The following SLAIN2 variants were observed in gnomAD, a reference collection of about 807,000 sequenced individuals.
SLAIN2 encodes the protein SLAIN family member 2.
Under a neutral mutation model 56.6 loss-of-function variants are expected in SLAIN2, and 31 were observed. The ratio of observed to expected loss-of-function variants is 0.55; its 90% CI spans 0.41 to 0.74. SLAIN2 has a LOEUF of 0.74. SLAIN2 is among the 30% of genes least tolerant of loss of function. SLAIN2 has a pLI of 0.00. For missense variants in SLAIN2, 777 were observed against 754.2 expected (o/e 1.03, Z -0.35); for synonymous variants, 317 against 284.9 (o/e 1.11, Z -1.13).
chr4:48,385,345 A>G (rs1577725206), intron 6 of SLAIN2, among the ~76,000 whole-genome samples: 1 of 152,232 alleles, frequency 6.6e-6, no homozygotes. Context: ...TCAGTCCCGT[A>G]TATGAGCTCT....
At chr4:48,397,877 T>C (rs1397190287) in intron 6 of SLAIN2, among the ~76,000 whole-genome samples, 2 of 152,228 alleles carry the variant, frequency 1.3e-5, no homozygotes, top group African/African-American at 4.8e-5. Context: ...GGTGTATATG[T>C]ACCACATTTT....
At chr4:48,419,772 A>G (rs138057709) in intron 6 of SLAIN2, among the ~76,000 whole-genome samples, 1 of 152,332 alleles carries the variant, frequency 6.6e-6, no homozygotes, top group East Asian at 1.9e-4. Context: ...ACAGTTGGGT[A>G]GTCAACCTGT....
At chr4:48,381,689 C>T (rs1400055942) in intron 4 of SLAIN2, among the ~76,000 whole-genome samples, 2 of 152,076 alleles carry the variant, frequency 1.3e-5, no homozygotes, top group Non-Finnish European at 2.9e-5. Context: ...TTTGATGAAC[C>T]GTGTTGATAG....
rs146628733 is a variant in SLAIN2 at position 48,408,361 on chromosome 4, C to A, written c.1361-11764C>A. On this transcript the variant is annotated intron_variant, in intron 6 of 7. Coordinates refer to ENST00000264313, the MANE Select transcript of SLAIN2 (RefSeq NM_020846.2). The stretch of plus-strand genomic sequence containing the variant: ...TCTAAAACGAACAAAAAAAAAAACA[C>A]GACATTTCAGTCAACAGTGGATTGC... Among the ~76,000 whole-genome samples, 12 of 150,948 alleles carry A rather than the reference C, an allele frequency of 7.9e-5. No homozygotes were observed. The East Asian group carries it at 2.3e-3, about 29-fold the overall frequency.
chr4:48,408,320 A>G (rs1716753827), intron 6 of SLAIN2, among the ~76,000 whole-genome samples: 1 of 151,724 alleles, frequency 6.6e-6, no homozygotes, highest in African/African-American at 2.4e-5. Context: ...GAGCAAGACA[A>G]CCCTATCTCA....
In SLAIN2 at chr4:48,382,818, A is replaced by G. The variant is rs1716003021; in HGVS notation, c.1113A>G (p.Ile371Met). The stretch of plus-strand genomic sequence containing the variant: ...GTTCACGATCTCCTGCTCGGGGAAT[A>G]GAATATAGTAGAGTGTCCCCACAGC... ...SPRSRSPARG[I>M]EYSRVSPQPM... Residue 371 changes from isoleucine (I) to methionine (M), a missense_variant, in exon 5 of 8, where the codon ATA becomes ATG. By Grantham distance (10) the Ile-to-Met change is conservative (BLOSUM62 1). Transcript: ENST00000264313. 2 of 1,613,872 alleles carry G rather than the reference A, an allele frequency of 1.2e-6. No homozygotes were observed. The highest frequency in any genetic ancestry group is 1.7e-6 in the Non-Finnish European group (2 of 1,179,874).
intron 1 of SLAIN2, among the ~76,000 whole-genome samples, chr4:48,358,202 T>C (rs886103215): frequency 6.6e-6 from 1 of 152,220 alleles, no homozygotes; most frequent in Non-Finnish European, 1.5e-5. Flanking sequence ...ACATATCTTA[T>C]AATTTTGTAA....
intron 6 of SLAIN2, among the ~76,000 whole-genome samples, chr4:48,387,869 AATT>A (rs1259015103): frequency 8.5e-5 from 13 of 152,206 alleles, no homozygotes; most frequent in Admixed American, 2.6e-4. Flanking sequence ...TAATTTGTAC[AATT>A]ATTATAATAA....
rs187888718 is a variant in SLAIN2 at position 48,394,341 on chromosome 4, C to T, written c.1360+10557C>T. On this transcript the variant is annotated intron_variant, in intron 6 of 7. Transcript: ENST00000264313. The stretch of plus-strand genomic sequence containing the variant: ...CCAATAGACATATTGGAGATTTTCT[C>T]ACCTGTAAGAAACTCTTTTTTAAAG... Among the ~76,000 whole-genome samples, 3 of 152,292 alleles carry T rather than the reference C, an allele frequency of 2.0e-5. No homozygotes were observed. In the East Asian group the frequency reaches 5.8e-4, roughly 29 times the overall value.
chr4:48,392,061 T>A (rs1716247794), intron 6 of SLAIN2, among the ~76,000 whole-genome samples: 1 of 152,022 alleles, frequency 6.6e-6, no homozygotes, highest in African/African-American at 2.4e-5. Context: ...TTAGAAAGAT[T>A]CAGAGTTTCA....
At chr4:48,389,818 G>A (rs1716190382) in intron 6 of SLAIN2, among the ~76,000 whole-genome samples, 1 of 152,160 alleles carries the variant, frequency 6.6e-6, no homozygotes, top group Non-Finnish European at 1.5e-5. Context: ...TATAGAGACA[G>A]GACAGGCTGT....
At chr4:48,410,743 A>G (rs914435502) in intron 6 of SLAIN2, among the ~76,000 whole-genome samples, 3 of 152,202 alleles carry the variant, frequency 2.0e-5, no homozygotes, top group African/African-American at 4.8e-5. Flanking sequence ...CTGGAACTCA[A>G]GAATGACCTG....
At chr4:48,345,778 C>T (rs993168932) in intron 1 of SLAIN2, among the ~76,000 whole-genome samples, 1 of 151,464 alleles carries the variant, frequency 6.6e-6, no homozygotes, top group African/African-American at 2.4e-5. Context: ...GTTATTTGGT[C>T]ATCTTTGTAT....
rs748099130 is a variant in SLAIN2 at position 48,412,365 on chromosome 4, TACACACACACACACACACACAC to T, written c.1361-7730_1361-7709del. ...TTCCTGTAATGTATGTTTGTATATG[TACACACACACACACACACACAC>T]ACACACACACACACACACACACACA... On this transcript the variant is annotated intron_variant, in intron 6 of 7. Coordinates refer to ENST00000264313, the MANE Select transcript of SLAIN2 (RefSeq NM_020846.2). 2.5e-4 allele frequency among the ~76,000 whole-genome samples: 28 copies of T among 112,902 alleles called. 3 individuals carry two copies. The highest frequency in any genetic ancestry group is 7.3e-4 in the African/African-American group (22 of 30,014). The allele number at this position is 112,902 out of a possible 152,430, so 74.1% of individuals were successfully genotyped here. A position where few individuals can be genotyped will look rare whatever the true frequency, so the allele number is the denominator to read the frequency against.
At chr4:48,382,048 A>G (rs955729983) in intron 4 of SLAIN2, among the ~76,000 whole-genome samples, 7 of 152,214 alleles carry the variant, frequency 4.6e-5, no homozygotes, top group Admixed American at 1.3e-4. Flanking sequence ...TAGTGAAGCA[A>G]TCAAGATTTC....
intron 2 of SLAIN2, among the ~76,000 whole-genome samples, chr4:48,370,348 G>A (rs1715631961): frequency 6.6e-6 from 1 of 152,134 alleles, no homozygotes; most frequent in Non-Finnish European, 1.5e-5. Flanking sequence ...TGGGGAAACT[G>A]GTGTGGTAGA....
At position 48,395,901 on chromosome 4, in the gene SLAIN2, A is replaced by G. The variant is rs185634637; in HGVS notation, c.1360+12117A>G. The stretch of plus-strand genomic sequence containing the variant: ...CATATAAAAACATGAACCTGAAAAC[A>G]CTGTGGTATCTAAACTAGGGCAGGA... On this transcript the variant is annotated intron_variant, in intron 6 of 7. Transcript: ENST00000264313. Among the ~76,000 whole-genome samples, 540 of 148,662 alleles carry G rather than the reference A, an allele frequency of 3.6e-3. 5 individuals are homozygous for G. The highest frequency in any genetic ancestry group is 0.013 in the African/African-American group (532 of 40,220).
At chr4:48,376,456 G>T (rs1433755227) in intron 2 of SLAIN2, among the ~76,000 whole-genome samples, 2 of 127,560 alleles carry the variant, frequency 1.6e-5, no homozygotes, top group African/African-American at 2.9e-5. Context: ...TTGTCTCAGA[G>T]AAAAAAAAAA....
chr4:48,385,629 TTTTTTTTTC>T (rs955658218), intron 6 of SLAIN2, among the ~76,000 whole-genome samples: 8 of 122,488 alleles, frequency 6.5e-5, no homozygotes, highest in Non-Finnish European at 1.4e-4. Context: ...CATTTTCATC[TTTTTTTTTC>T]TTTTTTTTTT....
Sources: gnomAD v4.1 joint callset for allele counts (sites outside exome capture counted in the v4.1 genomes callset) on GRCh38, gnomAD v4.1.1 for gene constraint, MANE v1.5 for transcripts, NCBI Gene and HGNC (gene_info 2026-07-23, HGNC 2026-07-21) for gene names.